Variants in NXPE2 observed in about 807,000 individuals in gnomAD.
NXPE2 encodes the protein NXPE family member 2.
In NXPE2, 34 loss-of-function variants were observed where a neutral mutation model predicts 34.4. The observed-to-expected ratio is 0.99, with a 90% CI of 0.75 to 1.31. The LOEUF (loss-of-function observed/expected upper bound fraction) is 1.31. Among genes scored for constraint, NXPE2 ranks in the 40% most tolerant of loss-of-function variants. The probability of loss-of-function intolerance (pLI) is 0.00; values close to 1 mark genes in which losing one functional copy is unlikely to be tolerated. For synonymous variants in NXPE2, 235 were observed against 231.3 expected (o/e 1.02, Z -0.15); for missense variants, 649 against 672.5 (o/e 0.97, Z 0.39).
chr11:114,768,044 C>T, the NXPE2 span, among the ~76,000 whole-genome samples: 3 of 152,016 alleles, frequency 2.0e-5, no homozygotes. Flanking sequence ...AGCAAAGAAC[C>T]TGGAACATTT....
chr11:114,744,079 G>A, the NXPE2 span, among the ~76,000 whole-genome samples: 1 of 152,014 alleles, frequency 6.6e-6, no homozygotes, highest in African/African-American at 2.4e-5. Flanking sequence ...CCATATACAC[G>A]AGCTGATTTA....
chr11:114,663,440 G>C, the NXPE2 span, among the ~76,000 whole-genome samples: 1 of 152,026 alleles, frequency 6.6e-6, no homozygotes, highest in Non-Finnish European at 1.5e-5. Flanking sequence ...ATAAAATGGG[G>C]GTTGTCTTAG....
chr11:114,629,355 C>G, the NXPE2 span, among the ~76,000 whole-genome samples: 4 of 152,004 alleles, frequency 2.6e-5, no homozygotes, highest in African/African-American at 9.7e-5. Flanking sequence ...GGGATGCAAG[C>G]CTGGTTCAAT....
the NXPE2 span, among the ~76,000 whole-genome samples, chr11:114,743,348 T>A: frequency 1.3e-5 from 2 of 152,294 alleles, no homozygotes; most frequent in East Asian, 3.9e-4. Context: ...TAGCTCTGTG[T>A]CTCAGTTTAT....
chr11:114,748,212 G>C, the NXPE2 span, among the ~76,000 whole-genome samples: 1 of 152,026 alleles, frequency 6.6e-6, no homozygotes, highest in Admixed American at 6.6e-5. Context: ...AAAATTTGCA[G>C]GTATGGTACA....
the NXPE2 span, among the ~76,000 whole-genome samples, chr11:114,605,337 T>C: frequency 3.9e-5 from 6 of 151,950 alleles, no homozygotes; most frequent in Non-Finnish European, 1.5e-5. Context: ...TAATAAGTAT[T>C]GCCTCGTGGG....
chr11:114,767,955 C>T, the NXPE2 span, among the ~76,000 whole-genome samples: 2 of 152,116 alleles, frequency 1.3e-5, no homozygotes, highest in East Asian at 3.9e-4. Context: ...TCAATGTTCT[C>T]ATCTGTAAAG....
the NXPE2 span, among the ~76,000 whole-genome samples, chr11:114,541,527 C>T: frequency 3.3e-5 from 5 of 152,252 alleles, no homozygotes; most frequent in Non-Finnish European, 7.3e-5. Context: ...GTGACACAGC[C>T]GTCAGGAGGT....
chr11:114,695,940 C>A (rs956546305), intron 2 of NXPE2, among the ~76,000 whole-genome samples: 17 of 151,850 alleles, frequency 1.1e-4, no homozygotes, highest in South Asian at 2.1e-4. Flanking sequence ...ATTGCTTGAA[C>A]CCGGGAGGCG....
At chr11:114,480,369 T>A in the NXPE2 span, among the ~76,000 whole-genome samples, 1 of 152,200 alleles carries the variant, frequency 6.6e-6, no homozygotes, top group Non-Finnish European at 1.5e-5. Context: ...CCATACAGAT[T>A]TCTTTCTAGG....
At chr11:114,575,579 A>T in the NXPE2 span, among the ~76,000 whole-genome samples, 1 of 151,948 alleles carries the variant, frequency 6.6e-6, no homozygotes, top group Non-Finnish European at 1.5e-5. Flanking sequence ...CAAGAGCTCA[A>T]CTCCTTTCAC....
chr11:114,736,014 CT>C, the NXPE2 span, among the ~76,000 whole-genome samples: 7 of 152,240 alleles, frequency 4.6e-5, no homozygotes, highest in Non-Finnish European at 8.8e-5. Flanking sequence ...ATGATGCCCC[CT>C]GAGCCATAAA....
At chr11:114,656,088 T>C in the NXPE2 span, among the ~76,000 whole-genome samples, 2 of 152,094 alleles carry the variant, frequency 1.3e-5, no homozygotes, top group Non-Finnish European at 1.5e-5. Flanking sequence ...AGTCTCAGGA[T>C]ACAAAAATCA....
At chr11:114,471,702 G>T in the NXPE2 span, among the ~76,000 whole-genome samples, 2 of 152,106 alleles carry the variant, frequency 1.3e-5, no homozygotes, top group Non-Finnish European at 2.9e-5. Context: ...CTATTGGTTG[G>T]TATTGAGCCT....
chr11:114,630,658 C>T, the NXPE2 span, among the ~76,000 whole-genome samples: 2 of 150,584 alleles, frequency 1.3e-5, no homozygotes, highest in Admixed American at 6.6e-5. Context: ...GCAACAAAAG[C>T]CAAAATTGAC....
chr11:114,534,397 C>T, the NXPE2 span, among the ~76,000 whole-genome samples: 3 of 152,180 alleles, frequency 2.0e-5, no homozygotes, highest in Admixed American at 2.0e-4. Context: ...TCCAAAGGAA[C>T]GCAGCTCCTC....
chr11:114,795,716 TTCTA>T, the NXPE2 span, among the ~76,000 whole-genome samples: 107 of 152,202 alleles, frequency 7.0e-4, no homozygotes, highest in Non-Finnish European at 1.1e-3. Context: ...TGGCAAATTG[TTCTA>T]TCTATCTCTG....
chr11:114,750,192 C>T, the NXPE2 span, among the ~76,000 whole-genome samples: 2 of 152,154 alleles, frequency 1.3e-5, no homozygotes, highest in African/African-American at 2.4e-5. Context: ...TCAAACTCTT[C>T]AATAAGGGAA....
At chr11:114,754,658 A>G in the NXPE2 span, among the ~76,000 whole-genome samples, 152,092 of 152,280 alleles carry the variant, frequency 1, 75,952 homozygotes, top group Middle Eastern at 1. Flanking sequence ...TGTGGAGGGT[A>G]GGCAGGCCCT....
Sources: allele counts gnomAD v4.1 joint callset (sites outside exome capture counted in the v4.1 genomes callset), GRCh38; gene constraint gnomAD v4.1.1; transcripts MANE v1.5; gene names NCBI Gene and HGNC (gene_info 2026-07-23, HGNC 2026-07-21).